The following BBS9 variants were observed in gnomAD, a reference collection of about 807,000 sequenced individuals.
BBS9 encodes the protein Bardet-Biedl syndrome 9, also known as protein PTHB1.
BBS9 carries 89 observed loss-of-function variants against 117.7 expected under a neutral mutation model. The ratio of observed to expected loss-of-function variants is 0.76; its 90% CI spans 0.64 to 0.90. The LOEUF (loss-of-function observed/expected upper bound fraction) is 0.90, where lower values mean the gene tolerates loss of function less well. Among genes scored for constraint, BBS9 ranks in the 40% least tolerant of loss-of-function variants. BBS9 has a pLI of 0.00. For missense variants in BBS9, 982 were observed against 1,042.2 expected (o/e 0.94, Z 0.80); for synonymous variants, 379 against 370.9 (o/e 1.02, Z -0.25).
intron 21 of BBS9, among the ~76,000 whole-genome samples, chr7:33,622,252 G>A (rs1002906006): frequency 2.6e-5 from 4 of 152,106 alleles, no homozygotes; most frequent in Admixed American, 2.0e-4. Flanking sequence ...AATACTGCAT[G>A]ACCTCACTTA....
intron 19 of BBS9, among the ~76,000 whole-genome samples, chr7:33,418,462 C>CT (rs1308246648): frequency 6.6e-6 from 1 of 152,170 alleles, no homozygotes; most frequent in Non-Finnish European, 1.5e-5. Context: ...TGTTCTATTT[C>CT]TTTTTTGCCA....
intron 9 of BBS9, among the ~76,000 whole-genome samples, chr7:33,297,549 A>G (rs554650102): frequency 2.6e-5 from 4 of 152,266 alleles, no homozygotes; most frequent in Admixed American, 2.6e-4. Flanking sequence ...ATCTGGAAAC[A>G]GTAGAAGAAT....
At chr7:33,529,683 C>T (rs957201898) in intron 20 of BBS9, among the ~76,000 whole-genome samples, 1 of 151,566 alleles carries the variant, frequency 6.6e-6, no homozygotes, top group Admixed American at 6.6e-5. Context: ...AAGCCATACA[C>T]AGGTCAACCT....
At chr7:33,372,063 A>G (rs577481012) in intron 17 of BBS9, among the ~76,000 whole-genome samples, 2 of 152,334 alleles carry the variant, frequency 1.3e-5, no homozygotes, top group South Asian at 4.1e-4. Context: ...TGAAAGTTTG[A>G]GGAAGTAAAG....
intron 19 of BBS9, among the ~76,000 whole-genome samples, chr7:33,425,925 A>G (rs1833594317): frequency 6.6e-6 from 1 of 152,220 alleles, no homozygotes; most frequent in Non-Finnish European, 1.5e-5. Context: ...GAAACTTAGA[A>G]TTAGTTCTAA....
chr7:33,250,865 A>G (rs547387152), intron 5 of BBS9, among the ~76,000 whole-genome samples: 1 of 152,286 alleles, frequency 6.6e-6, no homozygotes, highest in South Asian at 2.1e-4. Flanking sequence ...GATGAGTAAG[A>G]TATGGTTTCT....
chr7:33,423,287 C>T (rs908709440), intron 19 of BBS9, among the ~76,000 whole-genome samples: 7 of 152,066 alleles, frequency 4.6e-5, no homozygotes, highest in Non-Finnish European at 8.8e-5. Context: ...CAGCCTGGAG[C>T]CTGTGGGAAT....
At chr7:33,393,567 T>G in intron 19 of BBS9, among the ~76,000 whole-genome samples, 1 of 151,764 alleles carries the variant, frequency 6.6e-6, no homozygotes, top group East Asian at 1.9e-4. Flanking sequence ...CACCTGGGAG[T>G]TCAGATGCAG....
intron 5 of BBS9, among the ~76,000 whole-genome samples, chr7:33,178,576 G>T (rs1184867424): frequency 2.0e-5 from 3 of 152,160 alleles, no homozygotes; most frequent in Non-Finnish European, 2.9e-5. Flanking sequence ...ACACTTACCT[G>T]TGTGATTGTG....
At chr7:33,310,985 C>T (rs1809100905) in intron 9 of BBS9, among the ~76,000 whole-genome samples, 3 of 152,176 alleles carry the variant, frequency 2.0e-5, no homozygotes, top group East Asian at 1.9e-4. Context: ...ATCATTCCAA[C>T]AGTGAGAAGT....
intron 21 of BBS9, among the ~76,000 whole-genome samples, chr7:33,630,321 AAG>A: frequency 6.6e-6 from 1 of 152,352 alleles, no homozygotes; most frequent in East Asian, 1.9e-4. Flanking sequence ...AAAAGCATGT[AAG>A]AGAAATTTAA....
intron 20 of BBS9, among the ~76,000 whole-genome samples, chr7:33,514,275 A>C (rs1174849518): frequency 1.3e-5 from 2 of 152,148 alleles, no homozygotes; most frequent in Non-Finnish European, 2.9e-5. Flanking sequence ...GAGAGGTGAG[A>C]GTGGCCATTC....
chr7:33,188,080 ATGTGTGTGTGTGTG>A (rs145485929), intron 5 of BBS9, among the ~76,000 whole-genome samples: 4 of 73,070 alleles, frequency 5.5e-5, no homozygotes, highest in Non-Finnish European at 1.0e-4. Flanking sequence ...AGTTGAGTGA[ATGTGTGTGTGTGTG>A]TGTGTGTGTG....
intron 4 of BBS9, among the ~76,000 whole-genome samples, chr7:33,157,423 A>T (rs1252676167): frequency 2.0e-5 from 3 of 152,138 alleles, no homozygotes; most frequent in Non-Finnish European, 4.4e-5. Flanking sequence ...GGGGACTAGG[A>T]GTTGTCCAAA....
chr7:33,573,503 AAGCTTTAT>A (rs1279485298), intron 21 of BBS9, among the ~76,000 whole-genome samples: 1 of 152,064 alleles, frequency 6.6e-6, no homozygotes, highest in Admixed American at 6.6e-5. Flanking sequence ...ATTCTTGTCT[AAGCTTTAT>A]AGTTCTCCAA....
intron 19 of BBS9, among the ~76,000 whole-genome samples, chr7:33,447,407 T>G (rs1837153773): frequency 6.6e-6 from 1 of 152,216 alleles, no homozygotes; most frequent in Non-Finnish European, 1.5e-5. Flanking sequence ...TTGCAGTACT[T>G]AATACATTAA....
At chr7:33,562,237 C>T (rs1313645023) in intron 21 of BBS9, among the ~76,000 whole-genome samples, 1 of 152,140 alleles carries the variant, frequency 6.6e-6, no homozygotes, top group African/African-American at 2.4e-5. Flanking sequence ...AAATGTATGG[C>T]TGGTGGACTG....
At chr7:33,159,791 T>C (rs1284328587) in intron 4 of BBS9, among the ~76,000 whole-genome samples, 2 of 152,172 alleles carry the variant, frequency 1.3e-5, no homozygotes, top group Non-Finnish European at 2.9e-5. Context: ...ATGCAAACAT[T>C]TAAAACTTTT....
intron 20 of BBS9, among the ~76,000 whole-genome samples, chr7:33,528,717 A>T (rs1038290432): frequency 2.0e-5 from 3 of 152,178 alleles, no homozygotes; most frequent in African/African-American, 7.2e-5. Flanking sequence ...CCCTAGAGAG[A>T]TTAAATGAGT....
Sources: allele counts gnomAD v4.1 joint callset (sites outside exome capture counted in the v4.1 genomes callset), GRCh38; gene constraint gnomAD v4.1.1; transcripts MANE v1.5; gene names NCBI Gene and HGNC (gene_info 2026-07-23, HGNC 2026-07-21).